The following CFAP46 variants were observed in gnomAD, a reference collection of about 807,000 sequenced individuals.
The protein encoded by CFAP46 is cilia and flagella associated protein 46.
Under a neutral mutation model 325.7 loss-of-function variants are expected in CFAP46, and 245 were observed. The ratio of observed to expected loss-of-function variants is 0.75; its 90% confidence interval spans 0.68 to 0.84. The LOEUF (loss-of-function observed/expected upper bound fraction) is 0.84, where lower values mean the gene tolerates loss of function less well. Among genes scored for constraint, CFAP46 ranks in the 40% least tolerant of loss-of-function variants. CFAP46 has a pLI of 0.00. For missense variants in CFAP46, 3,346 were observed against 3,543.0 expected, an observed-to-expected ratio of 0.94 and a Z score of 1.41; for synonymous variants, 1,523 against 1,495.9, an observed-to-expected ratio of 1.02 and a Z score of -0.42.
chr10:132,925,021 G>T, intron 10 of CFAP46, 135 bp from the exon 11 acceptor site: 3 of 662,306 alleles, frequency 4.5e-6, no homozygotes, highest in Non-Finnish European at 6.8e-6. Context: ...GCTCAAATCT[G>T]TCCGTGAAAA....
intron 44 of CFAP46, among the ~76,000 whole-genome samples, chr10:132,845,538 A>G (rs1446284680): frequency 6.6e-6 from 1 of 152,244 alleles, no homozygotes; most frequent in African/African-American, 2.4e-5. Flanking sequence ...CCATTAGGCC[A>G]TGCTTGTCTG....
chr10:132,910,858 T>C (rs1849530702), intron 19 of CFAP46, among the ~76,000 whole-genome samples: 1 of 151,446 alleles, frequency 6.6e-6, no homozygotes, highest in Admixed American at 6.6e-5. Context: ...CATCGGAATG[T>C]GTTTGGGGAG....
rs1259651670 is a variant in CFAP46, at chr10:132,822,596, T to C, written c.7118-7682A>G. 8.7e-4 allele frequency among the ~76,000 whole-genome samples: 110 copies of C among 126,950 alleles called. 2 individuals carry two copies. The highest frequency in any genetic ancestry group is 3.2e-3 in the African/African-American group (105 of 32,660). 83.3% of individuals were successfully genotyped at this position (126,950 alleles called of 152,430 possible). A position where few individuals can be genotyped will look rare whatever the true frequency, so the allele number is the denominator to read the frequency against. On this transcript the variant is annotated intron_variant, in intron 50 of 57. Coordinates refer to ENST00000368586, the MANE Select transcript of CFAP46 (RefSeq NM_001200049.3). ...GTGTGTGTGCTGTGTGCTGTGTGAG[T>C]GCTGATGTGTGCTGTGTGTTGTGTG...
chr10:132,924,246 G>A (rs1029096818), intron 11 of CFAP46, among the ~76,000 whole-genome samples: 3 of 149,986 alleles, frequency 2.0e-5, no homozygotes, highest in African/African-American at 7.4e-5. Flanking sequence ...CCGCCTGCCT[G>A]CCATGGTCCA....
At position 132,832,952 on chromosome 10, in the gene CFAP46, A is replaced by C; in HGVS notation, c.7117+406T>G. The C allele has an allele frequency of 2.6e-6, 1 of 392,014 alleles. No homozygotes were observed. The highest frequency in any genetic ancestry group is 1.9e-5 in the South Asian group (1 of 53,786). 24.3% of individuals were successfully genotyped at this position (392,014 alleles called of 1,614,324 possible). On this transcript the variant is annotated intron_variant, in intron 50 of 57. Coordinates refer to ENST00000368586, the MANE Select transcript of CFAP46 (RefSeq NM_001200049.3). The surrounding 1 kb of genome is among the most constrained non-coding windows in gnomAD (Gnocchi z 4.1). ...GGCACATAGCAGGTATTTTATAAAT[A>C]GTTTTGAGTGTTTATATATATACAT... is the stretch of plus-strand genomic sequence containing the variant.
intron 19 of CFAP46, among the ~76,000 whole-genome samples, chr10:132,910,370 C>T (rs1849523542): frequency 6.8e-6 from 1 of 148,116 alleles, no homozygotes; most frequent in South Asian, 2.1e-4. Context: ...CAGCACCCCT[C>T]CCCCACTGCA....
intron 29 of CFAP46, among the ~76,000 whole-genome samples, chr10:132,878,914 C>T (rs1022249847): frequency 6.6e-6 from 1 of 152,198 alleles, no homozygotes; most frequent in Admixed American, 6.5e-5. Context: ...ACAGCTGCTC[C>T]TGGTGGGCTT....
In CFAP46 at chr10:132,912,762, A is replaced by C. The variant is rs775372005; in HGVS notation, c.2392T>G (p.Trp798Gly). 5 of 1,550,286 alleles carry C rather than the reference A, an allele frequency of 3.2e-6. No individual in the cohort carries two copies. Among genetic ancestry groups the C allele is most frequent in the Non-Finnish European group, 4.4e-6 (5 of 1,146,984 alleles). ...NTLARGLIIS[W>G]IPVQAAEKSR... ...TTCTCGGCAGCCTGGACTGGAATCC[A>C]GCTGATGATCAGGCCTCGCGCCAAG... Residue 798 changes from tryptophan (W) to glycine (G), a missense_variant, in exon 19 of 58, where the codon TGG becomes GGG. Physicochemically the swap from Trp to Gly is radical, Grantham distance 184 (BLOSUM62 -2). Transcript: ENST00000368586.
chr10:132,855,105 C>T (rs1848621536), intron 39 of CFAP46, among the ~76,000 whole-genome samples: 1 of 152,168 alleles, frequency 6.6e-6, no homozygotes, highest in Non-Finnish European at 1.5e-5. Flanking sequence ...ACTCTATTAA[C>T]ACTGAGAGAG....
chr10:132,899,140 T>A lies in CFAP46; in HGVS notation c.3057-19A>T. On this transcript the variant is annotated intron_variant, in intron 23 of 57. Coordinates refer to ENST00000368586, the MANE Select transcript of CFAP46 (RefSeq NM_001200049.3). ...TCCGAACCTAAAAGAGGGCAGGTCATGACGCGGTGGCTCCACCTGGGCCCA... is the reference window on the plus strand; with the variant it reads ...TCCGAACCTAAAAGAGGGCAGGTCAAGACGCGGTGGCTCCACCTGGGCCCA... The A allele has an allele frequency of 6.5e-7, 1 of 1,537,640 alleles. No individual in the cohort carries two copies.
At chr10:132,942,354 G>GATCCGGGGCCTCCCCGGGGCGGGGATC in intron 1 of CFAP46, 82 bp downstream of exon 1, 1 of 1,236,270 alleles carries the variant, frequency 8.1e-7, no homozygotes, top group Non-Finnish European at 1.1e-6. Flanking sequence ...GGGATGAGAG[G>GATCCGGGGCCTCCCCGGGGCGGGGATC]GTCCGGGGCC....
intron 11 of CFAP46, among the ~76,000 whole-genome samples, chr10:132,923,577 G>A (rs1032158014): frequency 3.3e-5 from 5 of 150,608 alleles, no homozygotes; most frequent in African/African-American, 7.3e-5. Flanking sequence ...CTGGCCTCAC[G>A]CAGCCCTTGT....
At chr10:132,899,982 G>A (rs968587216) in intron 22 of CFAP46, among the ~76,000 whole-genome samples, 1 of 152,208 alleles carries the variant, frequency 6.6e-6, no homozygotes, top group Non-Finnish European at 1.5e-5. Context: ...ACATGGCAAG[G>A]GTGGGAGTGG....
intron 9 of CFAP46, among the ~76,000 whole-genome samples, chr10:132,927,347 A>G (rs1191291500): frequency 6.6e-6 from 1 of 150,492 alleles, no homozygotes; most frequent in Non-Finnish European, 1.5e-5. Flanking sequence ...CCCGGGGAGC[A>G]GGTCCTCGGC....
intron 31 of CFAP46, among the ~76,000 whole-genome samples, chr10:132,875,977 C>T (rs936890249): frequency 5.3e-5 from 8 of 152,206 alleles, no homozygotes; most frequent in African/African-American, 1.9e-4. Flanking sequence ...CATGGCTGCT[C>T]ATGTGATTTT....
In CFAP46 at chr10:132,899,681, C is replaced by T. The variant is rs1025847890; in HGVS notation, c.2925-15G>A. 17 of 1,543,200 alleles carry T rather than the reference C, an allele frequency of 1.1e-5. No homozygotes were observed. In the East Asian group the frequency reaches 3.9e-4, roughly 36 times the overall value. On this transcript the variant is annotated splice_polypyrimidine_tract_variant and intron_variant, in intron 22 of 57. Transcript: ENST00000368586. ...GGGACTCCTCGCTGCAGGAACAGGGCCAGTGAGGAGGGAGGCCACTGTGGC... is the reference window on the plus strand; with the variant it reads ...GGGACTCCTCGCTGCAGGAACAGGGTCAGTGAGGAGGGAGGCCACTGTGGC...
chr10:132,931,955 G>C (rs1233909464), intron 8 of CFAP46, among the ~76,000 whole-genome samples: 1 of 136,752 alleles, frequency 7.3e-6, no homozygotes, highest in Non-Finnish European at 1.6e-5. Context: ...TCCACACACA[G>C]AGGCTGGGCC....
rs1043635177 is a variant in CFAP46, at chr10:132,811,094, T to C, written c.7502-63A>G. 3 of 1,402,640 alleles carry C rather than the reference T, an allele frequency of 2.1e-6. No homozygotes were observed. In the Admixed American group the frequency reaches 5.9e-5, roughly 27 times the overall value. 86.9% of individuals were successfully genotyped at this position (1,402,640 alleles called of 1,614,324 possible). A position where few individuals can be genotyped will look rare whatever the true frequency, so the allele number is the denominator to read the frequency against. On this transcript the variant is annotated intron_variant, in intron 55 of 57. Coordinates refer to ENST00000368586, the MANE Select transcript of CFAP46 (RefSeq NM_001200049.3). ...TGACATGGGGAGTGGGGATGGGGTGTGGGCAGGTGGGGCCTGTGCCCCAAG... is the reference window on the plus strand; with the variant it reads ...TGACATGGGGAGTGGGGATGGGGTGCGGGCAGGTGGGGCCTGTGCCCCAAG...
rs1312962706 is a variant in CFAP46, at chr10:132,899,133, C to G, written c.3057-12G>C. Reference sequence around the variant, plus strand: ...CGATGCCTCCGAACCTAAAAGAGGGCAGGTCATGACGCGGTGGCTCCACCT... The same window carrying G: ...CGATGCCTCCGAACCTAAAAGAGGGGAGGTCATGACGCGGTGGCTCCACCT... On this transcript the variant is annotated splice_polypyrimidine_tract_variant and intron_variant, in intron 23 of 57. Coordinates refer to ENST00000368586, the MANE Select transcript of CFAP46 (RefSeq NM_001200049.3). 4 of 1,545,928 alleles carry G rather than the reference C, an allele frequency of 2.6e-6. No individual in the cohort carries two copies. The highest frequency in any genetic ancestry group is 3.5e-6 in the Non-Finnish European group (4 of 1,145,140).
Sources: allele counts gnomAD v4.1 joint callset (sites outside exome capture counted in the v4.1 genomes callset), GRCh38; gene constraint gnomAD v4.1.1; non-coding constraint Gnocchi (gnomAD v3.1); transcripts MANE v1.5; gene names NCBI Gene and HGNC (gene_info 2026-07-23, HGNC 2026-07-21).